Variants in LGR4 observed in about 807,000 individuals in gnomAD.
LGR4 encodes leucine rich repeat containing G protein-coupled receptor 4.
Under a neutral mutation model 84.8 loss-of-function variants are expected in LGR4, and 44 were observed. That is an observed-to-expected ratio of 0.52 (90% CI 0.41 to 0.67). LGR4 has a LOEUF of 0.67. LGR4 is among the 30% of genes least tolerant of loss of function. The pLI is 0.00. For synonymous variants in LGR4, 429 were observed against 434.3 expected (o/e 0.99, Z 0.15); for missense variants, 1,032 against 1,131.4 (o/e 0.91, Z 1.26).
At chr11:27,397,515 T>A (rs1176297302) in intron 2 of LGR4, among the ~76,000 whole-genome samples, 1 of 152,208 alleles carries the variant, frequency 6.6e-6, no homozygotes, top group Non-Finnish European at 1.5e-5. Flanking sequence ...GACTCTGGAT[T>A]TGCAAAGCTA....
intron 4 of LGR4, among the ~76,000 whole-genome samples, chr11:27,387,382 T>C (rs1029581474): frequency 3.3e-5 from 5 of 152,146 alleles, no homozygotes; most frequent in African/African-American, 1.2e-4. Context: ...GGTTAAAGAC[T>C]GAGGGACTCT....
rs534692281 is a variant in LGR4, at chr11:27,427,258, C to T, written c.186-14398G>A. On this transcript the variant is annotated intron_variant, in intron 1 of 17. Coordinates refer to ENST00000379214, the MANE Select transcript of LGR4 (RefSeq NM_018490.5). ...TTGTTGATCAACATATCTTTATTGG[C>T]ATGATGAGCAAAACATTCCCTCTGA... 4.6e-5 allele frequency among the ~76,000 whole-genome samples: 7 copies of T among 152,202 alleles called. No homozygotes were observed. The East Asian group carries it at 1.2e-3, about 25-fold the overall frequency.
chr11:27,443,617 G>C (rs534005509), intron 1 of LGR4, among the ~76,000 whole-genome samples: 2 of 152,244 alleles, frequency 1.3e-5, no homozygotes, highest in East Asian at 3.9e-4. Flanking sequence ...TATGTACATA[G>C]GTATTTATAT....
In LGR4 at chr11:27,368,551, G is replaced by C; in HGVS notation, c.2172C>G (p.Ile724Met). 6.2e-7 allele frequency: 1 copy of C among 1,613,678 alleles called. No homozygotes were observed. The highest frequency in any genetic ancestry group is 8.5e-7 in the Non-Finnish European group (1 of 1,179,694). Residue 724 changes from isoleucine (I) to methionine (M), a missense_variant, in exon 18 of 18, where the codon ATC (isoleucine) becomes ATG (methionine). Transcript: ENST00000379214. The part of the protein sequence containing the change: ...NSLAFLLMAV[I>M]YTKLYCNLEK... ...CCAAGTTGCAGTATAGTTTAGTGTAGATAACGGCCATTAATAAAAATGCTA... is the reference window on the plus strand; with the variant it reads ...CCAAGTTGCAGTATAGTTTAGTGTACATAACGGCCATTAATAAAAATGCTA...
chr11:27,453,120 G>A (rs1219500235), intron 1 of LGR4, among the ~76,000 whole-genome samples: 1 of 151,924 alleles, frequency 6.6e-6, no homozygotes, highest in Non-Finnish European at 1.5e-5. Context: ...CCAGGCTGGA[G>A]TGCAGTGGTG....
intron 1 of LGR4, among the ~76,000 whole-genome samples, chr11:27,464,298 T>C (rs1864737942): frequency 6.6e-6 from 1 of 152,178 alleles, no homozygotes; most frequent in South Asian, 2.1e-4. Context: ...GTGACCCTTA[T>C]GGTTTCTTCA....
intron 1 of LGR4, among the ~76,000 whole-genome samples, chr11:27,447,137 A>G (rs1224606647): frequency 1.3e-5 from 2 of 152,106 alleles, no homozygotes; most frequent in Non-Finnish European, 2.9e-5. Context: ...ATACATATGT[A>G]ACAAACCTGC....
At chr11:27,472,067 GCT>G in intron 1 of LGR4, 49 bp downstream of exon 1, 85 of 812,928 alleles carry the variant, frequency 1.0e-4, no homozygotes, top group East Asian at 1.8e-4. Flanking sequence ...GGCGCCCCCC[GCT>G]GGGCCCCGTT....
Position 27,373,662 on chromosome 11 carries a change from T to C in LGR4, c.1268A>G (p.Asn423Ser). ...TTCCGTAGGAAAGGAAGTTAATTCA[T>C]TGAAACTTACATCTCTAAAATATGA... ...GPITNLDVSF[N>S]ELTSFPTEGL... Residue 423 changes from asparagine to serine, a missense_variant, in exon 15 of 18, where the codon AAT (asparagine) becomes AGT (serine). Transcript: ENST00000379214. 4 of 1,578,136 alleles carry C rather than the reference T, an allele frequency of 2.5e-6. No homozygotes were observed. The highest frequency in any genetic ancestry group is 3.4e-6 in the Non-Finnish European group (4 of 1,161,284).
At chr11:27,375,598 C>A (rs886193801) in intron 13 of LGR4, among the ~76,000 whole-genome samples, 6 of 152,208 alleles carry the variant, frequency 3.9e-5, no homozygotes, top group African/African-American at 1.4e-4. Context: ...GAGTCATATA[C>A]TCTCCGCTGC....
At position 27,380,770 on chromosome 11, in the gene LGR4, A is replaced by G. The variant is rs1037400909; in HGVS notation, c.831-59T>C. ...TATGTTCACAAGCACTCTAATATTA[A>G]CTCTATGTTCACAATGTACATATAT... is the stretch of plus-strand genomic sequence containing the variant. On this transcript the variant is annotated intron_variant, in intron 8 of 17. Coordinates refer to ENST00000379214, the MANE Select transcript of LGR4 (RefSeq NM_018490.5). 3.9e-6 allele frequency: 5 copies of G among 1,271,302 alleles called. No individual in the cohort carries two copies. The East Asian group carries it at 1.2e-4, about 30-fold the overall frequency. 78.8% of individuals were successfully genotyped at this position (1,271,302 alleles called of 1,614,324 possible). A position where few individuals can be genotyped will look rare whatever the true frequency, so the allele number is the denominator to read the frequency against.
intron 2 of LGR4, among the ~76,000 whole-genome samples, chr11:27,400,211 A>C (rs185473372): frequency 7.4e-4 from 112 of 152,256 alleles, no homozygotes; most frequent in African/African-American, 1.3e-3. Flanking sequence ...CTAAAATCTG[A>C]AAAAATCTGA....
Position 27,382,242 on chromosome 11 carries a change from T to C in LGR4, c.704A>G (p.Asn235Ser). The change falls in exon 7 of 18, where the codon AAT (asparagine) becomes AGT (serine). Residue 235 changes from asparagine (N) to serine (S), a missense_variant. By Grantham distance (46) the Asn-to-Ser change is conservative. Transcript: ENST00000379214. ...AGCCTGAGGAAATTCCCCCAAGTTA[T>C]TATAATTCAAGTCTCTAGAAAAAAA... ...DNLETLDLNY[N>S]NLGEFPQAIK... 6.2e-7 allele frequency: 1 copy of C among 1,606,804 alleles called. No individual in the cohort carries two copies. The highest frequency in any genetic ancestry group is 8.5e-7 in the Non-Finnish European group (1 of 1,173,898).
rs10659033 is a variant in LGR4, at chr11:27,437,660, A to AGTGTGTGTGTGTGTGT, written c.186-24816_186-24801dup. Among the ~76,000 whole-genome samples the AGTGTGTGTGTGTGTGT allele has an allele frequency of 1.6e-3, 223 of 140,130 alleles. 1 individual carries two copies. Among genetic ancestry groups the AGTGTGTGTGTGTGTGT allele is most frequent in the Middle Eastern group, 7.4e-3 (2 of 272 alleles). The allele number at this position is 140,130 out of a possible 152,430, so 91.9% of individuals were successfully genotyped here. A position where few individuals can be genotyped will look rare whatever the true frequency, so the allele number is the denominator to read the frequency against. On this transcript the variant is annotated intron_variant, in intron 1 of 17. Coordinates refer to ENST00000379214, the MANE Select transcript of LGR4 (RefSeq NM_018490.5). ...TTACTTGAATCTCTTTTAAAGGACT[A>AGTGTGTGTGTGTGTGT]GTGTGTGTGTGTGTGTGTGTGTGTG...
rs1445212741 is a variant in LGR4, at chr11:27,407,791, GT to G, written c.257+4997del. ...TTCTGAGTTTGACAATCATCTTGTG[GT>G]TATTCAAGAGAATATCCTTGTGTTT... On this transcript the variant is annotated intron_variant, in intron 2 of 17. Transcript: ENST00000379214. 5.9e-5 allele frequency among the ~76,000 whole-genome samples: 9 copies of G among 152,082 alleles called. No homozygotes were observed. In the East Asian group the frequency reaches 1.6e-3, roughly 26 times the overall value.
At chr11:27,423,330 C>G (rs1863957516) in intron 1 of LGR4, among the ~76,000 whole-genome samples, 1 of 152,208 alleles carries the variant, frequency 6.6e-6, no homozygotes, top group African/African-American at 2.4e-5. Flanking sequence ...CCGTCAGAGC[C>G]TGAACCCAAA....
intron 1 of LGR4, among the ~76,000 whole-genome samples, chr11:27,456,709 C>T (rs965362559): frequency 6.6e-6 from 1 of 152,072 alleles, no homozygotes; most frequent in African/African-American, 2.4e-5. Flanking sequence ...CAAAAAAACA[C>T]TATTAACATG....
intron 1 of LGR4, among the ~76,000 whole-genome samples, chr11:27,418,857 G>C (rs1005385109): frequency 5.2e-5 from 7 of 135,186 alleles, no homozygotes; most frequent in African/African-American, 1.9e-4. Context: ...TTTTGAGACT[G>C]GAGTCTCACT....
chr11:27,400,291 C>A (rs554143032), intron 2 of LGR4, among the ~76,000 whole-genome samples: 1 of 152,162 alleles, frequency 6.6e-6, no homozygotes, highest in Admixed American at 6.5e-5. Flanking sequence ...TCAAAACCAC[C>A]CTGTGTCATG....
Sources: allele counts gnomAD v4.1 joint callset (sites outside exome capture counted in the v4.1 genomes callset), GRCh38; gene constraint gnomAD v4.1.1; transcripts MANE v1.5; gene names NCBI Gene and HGNC (gene_info 2026-07-23, HGNC 2026-07-21).